ROCK2: variants seen among roughly 807,000 people sequenced by gnomAD.
ROCK2 encodes the protein Rho associated coiled-coil containing protein kinase 2, also known as rho-associated protein kinase 2.
ROCK2 carries 61 observed loss-of-function variants against 195.1 expected under a neutral mutation model. That is an observed-to-expected ratio of 0.31 (90% CI 0.25 to 0.39). The LOEUF (loss-of-function observed/expected upper bound fraction) is 0.39, where lower values mean the gene tolerates loss of function less well. ROCK2 is among the 10% of genes least tolerant of loss of function. The probability of loss-of-function intolerance (pLI) is 1.00; values close to 1 mark genes in which losing one functional copy is unlikely to be tolerated. For missense variants in ROCK2, 1,109 were observed against 1,637.4 expected (o/e 0.68, Z 5.57); for synonymous variants, 504 against 545.5 (o/e 0.92, Z 1.06).
intron 1 of ROCK2, among the ~76,000 whole-genome samples, chr2:11,289,675 G>A (rs1326008858): frequency 6.6e-6 from 1 of 152,084 alleles, no homozygotes; most frequent in East Asian, 1.9e-4. Context: ...TTACACATAA[G>A]ACAAGAGAAG....
chr2:11,331,324 C>T (rs191581881), intron 1 of ROCK2, among the ~76,000 whole-genome samples: 7 of 152,264 alleles, frequency 4.6e-5, no homozygotes, highest in African/African-American at 1.2e-4. Context: ...GAACAGGCAA[C>T]CTTTGTATCT....
At chr2:11,244,154 G>C (rs1665530340) in intron 4 of ROCK2, among the ~76,000 whole-genome samples, 1 of 152,146 alleles carries the variant, frequency 6.6e-6, no homozygotes, top group Non-Finnish European at 1.5e-5. Context: ...CTTGTCATTA[G>C]TAGACCTGTA....
intron 1 of ROCK2, among the ~76,000 whole-genome samples, chr2:11,329,330 T>TG (rs987845196): frequency 1.8e-4 from 27 of 152,214 alleles, no homozygotes; most frequent in African/African-American, 6.5e-4. Context: ...ACAGATCTGT[T>TG]GTAACTAGAG....
At chr2:11,260,602 C>T (rs142630781) in intron 3 of ROCK2, among the ~76,000 whole-genome samples, 368 of 152,186 alleles carry the variant, frequency 2.4e-3, no homozygotes, top group Non-Finnish European at 4.5e-3. Flanking sequence ...ACATTAAGAG[C>T]CAATTTTAAT....
intron 1 of ROCK2, among the ~76,000 whole-genome samples, chr2:11,317,602 ATATATATATATT>A (rs1267753585): frequency 1.8e-4 from 3 of 16,506 alleles, no homozygotes; most frequent in Admixed American, 6.9e-4. Context: ...ATATATATAT[ATATATATATATT>A]TTTTTTTTTT....
At chr2:11,283,922 G>A (rs1295460238) in intron 3 of ROCK2, among the ~76,000 whole-genome samples, 1 of 152,140 alleles carries the variant, frequency 6.6e-6, no homozygotes, top group East Asian at 1.9e-4. Flanking sequence ...TTAACCAAAT[G>A]AACTGAAAAT....
chr2:11,197,748 A>G lies in ROCK2; in HGVS notation c.3100-43T>C. The G allele has an allele frequency of 7.5e-7, 1 of 1,328,072 alleles. No homozygotes were observed. The highest frequency in any genetic ancestry group is 9.9e-7 in the Non-Finnish European group (1 of 1,006,202). The allele number at this position is 1,328,072 out of a possible 1,614,324, so 82.3% of individuals were successfully genotyped here. A position where few individuals can be genotyped will look rare whatever the true frequency, so the allele number is the denominator to read the frequency against. ...TAAATATAATACATAAATAAAATAA[A>G]TTACGTTTATGGTTTCTCAGTATCT... On this transcript the variant is annotated intron_variant, in intron 25 of 32. Coordinates refer to ENST00000315872, the MANE Select transcript of ROCK2 (RefSeq NM_004850.5). The surrounding 1 kb of genome is among the most constrained non-coding windows in gnomAD (Gnocchi z 4.9).
At chr2:11,288,598 G>A (rs538759107) in intron 1 of ROCK2, among the ~76,000 whole-genome samples, 4 of 152,260 alleles carry the variant, frequency 2.6e-5, no homozygotes, top group Admixed American at 1.3e-4. Context: ...AGGTCCAATA[G>A]ACTTAACTCA....
intron 17 of ROCK2, 83 bp from the exon 18 acceptor site, chr2:11,211,923 T>C: frequency 2.0e-6 from 2 of 1,012,490 alleles, no homozygotes; most frequent in South Asian, 1.8e-5. Flanking sequence ...TTTTTTTTTT[T>C]GAGACAGAGT....
rs143753344 is a variant in ROCK2, at chr2:11,319,809, T to C, written c.141+24187A>G. Among the ~76,000 whole-genome samples the C allele has an allele frequency of 5.2e-3, 791 of 152,308 alleles. 1 individual carries two copies. The highest frequency in any genetic ancestry group is 0.01 in the Middle Eastern group (3 of 294). ...ACACATTTCTAAACACCTTATTTCC[T>C]TGGCAATATTAAAGAAATAATGGTA... is the stretch of plus-strand genomic sequence containing the variant. On this transcript the variant is annotated intron_variant, in intron 1 of 32. Transcript: ENST00000315872.
At position 11,180,333 on chromosome 2, in the gene ROCK2, G is replaced by A. The variant is rs1374700986; in HGVS notation, c.*3104C>T. ...GTTTAAGATCTATATATAAATGGAT[G>A]CAAAATAGATACTTTAGAGCCAGAT... On this transcript the variant is annotated 3_prime_UTR_variant, in exon 33 of 33. Coordinates refer to ENST00000315872, the MANE Select transcript of ROCK2 (RefSeq NM_004850.5). 6.6e-6 allele frequency: 1 copy of A among 152,134 alleles called. No individual in the cohort carries two copies. 9.4% of individuals were successfully genotyped at this position (152,134 alleles called of 1,614,324 possible).
At position 11,344,066 on chromosome 2, in the gene ROCK2, G is replaced by C. The variant is rs1446627904; in HGVS notation, c.71C>G (p.Ala24Gly). ...CGCCTCCAGCTTCCTCTGGCGGCTC[G>C]CGCCTGCCCCGTCCCCCGGCGCGGT... ...PETAPGDGAG[A>G]SRQRKLEALI... is the part of the protein sequence containing the mutation. Residue 24 changes from alanine (A) to glycine (G), a missense_variant, in exon 1 of 33, where the codon GCG becomes GGG. Coordinates refer to ENST00000315872, the MANE Select transcript of ROCK2 (RefSeq NM_004850.5). This position sits in a 1 kb window ranked among gnomAD's most constrained non-coding sequence, Gnocchi z 5.4. The C allele has an allele frequency of 1.9e-6, 3 of 1,568,842 alleles. No homozygotes were observed. The highest frequency in any genetic ancestry group is 2.6e-6 in the Non-Finnish European group (3 of 1,161,204).
intron 1 of ROCK2, among the ~76,000 whole-genome samples, chr2:11,337,175 G>A (rs1481111853): frequency 1.3e-5 from 2 of 151,654 alleles, no homozygotes; most frequent in South Asian, 2.1e-4. Flanking sequence ...AACCCATGAG[G>A]TGGAGGTTAC....
At chr2:11,268,434 T>C (rs1010138594) in intron 3 of ROCK2, among the ~76,000 whole-genome samples, 4 of 152,054 alleles carry the variant, frequency 2.6e-5, no homozygotes, top group Non-Finnish European at 4.4e-5. Context: ...CATTCGCTTC[T>C]TAAGGTCAGC....
chr2:11,239,728 C>T (rs1453722264), intron 4 of ROCK2, among the ~76,000 whole-genome samples: 1 of 152,178 alleles, frequency 6.6e-6, no homozygotes, highest in East Asian at 1.9e-4. Flanking sequence ...CATTAACCAA[C>T]AAGGCTTGGT....
At chr2:11,282,143 G>T (rs984048544) in intron 3 of ROCK2, among the ~76,000 whole-genome samples, 2 of 152,228 alleles carry the variant, frequency 1.3e-5, no homozygotes, top group East Asian at 1.9e-4. Context: ...TTGAGCCCAG[G>T]AATTTGAGAC....
intron 1 of ROCK2, among the ~76,000 whole-genome samples, chr2:11,322,163 T>C (rs1290160640): frequency 2.6e-5 from 4 of 152,130 alleles, no homozygotes; most frequent in African/African-American, 9.7e-5. Context: ...TCCAGAACTT[T>C]GAGATAATAA....
chr2:11,184,693 C>T (rs2148017690), intron 32 of ROCK2: 1 of 983,756 alleles, frequency 1.0e-6, no homozygotes, highest in East Asian at 1.1e-4. Flanking sequence ...AAATCAAAAA[C>T]ATCGTCATCA....
intron 29 of ROCK2, 28 bp downstream of exon 29, chr2:11,194,228 T>G (rs1663539905): frequency 1.0e-6 from 1 of 994,860 alleles, no homozygotes; most frequent in Non-Finnish European, 1.5e-6. Context: ...AAGATATAGT[T>G]TCTAAATATT....
Sources: allele counts gnomAD v4.1 joint callset (sites outside exome capture counted in the v4.1 genomes callset), GRCh38; gene constraint gnomAD v4.1.1; non-coding constraint Gnocchi (gnomAD v3.1); transcripts MANE v1.5; gene names NCBI Gene and HGNC (gene_info 2026-07-23, HGNC 2026-07-21).